Variants in LRRFIP2 observed in about 807,000 individuals in gnomAD.
LRRFIP2 encodes the protein leucine-rich repeat flightless-interacting protein 2.
LRRFIP2 carries 109 observed loss-of-function variants against 125.9 expected under a neutral mutation model. That is an observed-to-expected ratio of 0.87 (90% CI 0.74 to 1.01). LRRFIP2 has a LOEUF of 1.01. LRRFIP2 is among the 50% of genes least tolerant of loss of function. The probability of loss-of-function intolerance (pLI) is 0.00; values close to 1 mark genes in which losing one functional copy is unlikely to be tolerated. For missense variants in LRRFIP2, 850 were observed against 862.3 expected, an observed-to-expected ratio of 0.99 and a Z score of 0.18; for synonymous variants, 291 against 293.1, an observed-to-expected ratio of 0.99 and a Z score of 0.07.
chr3:37,076,693 C>A (rs1312555371), intron 19 of LRRFIP2, among the ~76,000 whole-genome samples: 5 of 151,942 alleles, frequency 3.3e-5, no homozygotes, highest in African/African-American at 9.7e-5. Context: ...ATAGAGAAAC[C>A]CTGTCTCTAC....
rs748213892 is a variant in LRRFIP2, at chr3:37,072,896, G to C, written c.1372-14C>G. On this transcript the variant is annotated splice_polypyrimidine_tract_variant and intron_variant, in intron 20 of 27. Transcript: ENST00000336686. ...GCGCTGCTTCTCCTGCAGAGGAAGAGGGGAAGAGAAGTAATAAAAGAGCAG... is the reference window on the plus strand; with the variant it reads ...GCGCTGCTTCTCCTGCAGAGGAAGACGGGAAGAGAAGTAATAAAAGAGCAG... The C allele has an allele frequency of 7.7e-6, 12 of 1,561,490 alleles. No individual in the cohort carries two copies. In the South Asian group the frequency reaches 1.4e-4, roughly 18 times the overall value.
intron 1 of LRRFIP2, among the ~76,000 whole-genome samples, chr3:37,173,745 AG>A (rs2096618314): frequency 1.3e-5 from 2 of 152,210 alleles, no homozygotes; most frequent in Non-Finnish European, 1.5e-5. Context: ...TTCTCACACT[AG>A]GAACAGGGTA....
chr3:37,117,557 G>T (rs910782342), intron 6 of LRRFIP2, among the ~76,000 whole-genome samples: 4 of 151,814 alleles, frequency 2.6e-5, no homozygotes, highest in African/African-American at 9.7e-5. Context: ...CCAAATTTTT[G>T]ATGCTATAAC....
chr3:37,144,531 G>A (rs576785794), intron 2 of LRRFIP2, among the ~76,000 whole-genome samples: 1 of 152,208 alleles, frequency 6.6e-6, no homozygotes, highest in South Asian at 2.1e-4. Context: ...CTTGAGCCTT[G>A]GAGTTCGAGT....
At chr3:37,098,597 T>C (rs1159795423) in intron 15 of LRRFIP2, among the ~76,000 whole-genome samples, 1 of 152,010 alleles carries the variant, frequency 6.6e-6, no homozygotes, top group Non-Finnish European at 1.5e-5. Context: ...TTCAACATGT[T>C]GGCCAGGCTG....
chr3:37,103,106 A>T (rs1382906054), intron 14 of LRRFIP2, 93 bp from the exon 15 acceptor site: 2 of 828,048 alleles, frequency 2.4e-6, no homozygotes, highest in East Asian at 5.6e-5. Flanking sequence ...AAGTTTTTTA[A>T]AATTTTGATG....
chr3:37,121,583 A>C (rs1198022480), intron 5 of LRRFIP2, 47 bp from the exon 6 acceptor site: 1 of 1,613,054 alleles, frequency 6.2e-7, no homozygotes, highest in African/African-American at 1.3e-5. Context: ...GAGTGATTAC[A>C]TTAAGCTAAT....
chr3:37,156,668 A>T, intron 1 of LRRFIP2, among the ~76,000 whole-genome samples: 1 of 102,132 alleles, frequency 9.8e-6, no homozygotes, highest in Admixed American at 1.2e-4. Flanking sequence ...AGCGAGACTC[A>T]GTATCAAAAA....
chr3:37,119,495 A>G (rs987063085), intron 6 of LRRFIP2, among the ~76,000 whole-genome samples: 8 of 152,206 alleles, frequency 5.3e-5, no homozygotes, highest in Non-Finnish European at 1.2e-4. Flanking sequence ...AAATTTATAA[A>G]TAACCGGCTT....
At position 37,148,971 on chromosome 3, in the gene LRRFIP2, C is replaced by G; in HGVS notation, c.13G>C (p.Ala5Pro). MGTP[A>P]SGRKRTPVKD... ...ACAGGTGTTCTTTTCCTTCCAGAAG[C>G]AGGAGTCCCCATCTTGTGTTCTTAA... Residue 5 changes from alanine to proline, a missense_variant, in exon 2 of 28, where the codon GCT becomes CCT. Ala to Pro is a conservative substitution (Grantham distance 27, BLOSUM62 -1). Coordinates refer to ENST00000336686, the MANE Select transcript of LRRFIP2 (RefSeq NM_006309.4). The G allele has an allele frequency of 6.2e-7, 1 of 1,614,022 alleles. No individual in the cohort carries two copies. The highest frequency in any genetic ancestry group is 8.5e-7 in the Non-Finnish European group (1 of 1,179,932).
At chr3:37,172,012 T>A (rs1476286151) in intron 1 of LRRFIP2, among the ~76,000 whole-genome samples, 1 of 152,222 alleles carries the variant, frequency 6.6e-6, no homozygotes, top group Non-Finnish European at 1.5e-5. Context: ...CAATATTTTT[T>A]AAATGGAGAG....
chr3:37,126,240 G>A (rs2095269068), intron 4 of LRRFIP2, among the ~76,000 whole-genome samples: 1 of 152,136 alleles, frequency 6.6e-6, no homozygotes, highest in Non-Finnish European at 1.5e-5. Context: ...ATGTTGGCCA[G>A]GCTGGTCTCA....
At chr3:37,084,130 A>G (rs910425509) in intron 18 of LRRFIP2, among the ~76,000 whole-genome samples, 8 of 152,322 alleles carry the variant, frequency 5.3e-5, no homozygotes, top group Middle Eastern at 3.4e-3. Flanking sequence ...ATATTTTCAG[A>G]AATTTTACTC....
intron 6 of LRRFIP2, 28 bp from the exon 7 acceptor site, chr3:37,115,123 G>T: frequency 6.5e-7 from 1 of 1,544,708 alleles, no homozygotes; most frequent in Non-Finnish European, 8.9e-7. Context: ...ATGAAAGTTG[G>T]TTTGTTTCCA....
At chr3:37,162,254 A>G (rs748985125) in intron 1 of LRRFIP2, among the ~76,000 whole-genome samples, 70 of 152,058 alleles carry the variant, frequency 4.6e-4, no homozygotes, top group Non-Finnish European at 9.7e-4. Context: ...GAGGTGCCAG[A>G]CTAAAAGGGC....
chr3:37,108,749 G>A (rs1489271130), intron 11 of LRRFIP2, 65 bp from the exon 12 acceptor site: 1 of 1,357,216 alleles, frequency 7.4e-7, no homozygotes, highest in Non-Finnish European at 1.1e-6. Context: ...ATGACTTAAT[G>A]TTTTCACAAT....
At chr3:37,145,478 T>C (rs1273344901) in intron 2 of LRRFIP2, among the ~76,000 whole-genome samples, 1 of 152,194 alleles carries the variant, frequency 6.6e-6, no homozygotes, top group African/African-American at 2.4e-5. Context: ...GTTAATGATA[T>C]TGTGCCATCT....
At chr3:37,109,953 T>C (rs778842728) in intron 9 of LRRFIP2, among the ~76,000 whole-genome samples, 71 of 152,348 alleles carry the variant, frequency 4.7e-4, no homozygotes, top group Middle Eastern at 3.4e-3. Flanking sequence ...AATATGTTTA[T>C]GTCCCATTGG....
At chr3:37,117,411 G>A (rs898204159) in intron 6 of LRRFIP2, among the ~76,000 whole-genome samples, 1 of 151,762 alleles carries the variant, frequency 6.6e-6, no homozygotes, top group African/African-American at 2.4e-5. Context: ...CCATAATTTG[G>A]GCATACCAAT....
Sources: gnomAD v4.1 joint callset for allele counts (sites outside exome capture counted in the v4.1 genomes callset) on GRCh38, gnomAD v4.1.1 for gene constraint, MANE v1.5 for transcripts, NCBI Gene and HGNC (gene_info 2026-07-23, HGNC 2026-07-21) for gene names.